ANGPT1: variants seen among roughly 807,000 people sequenced by gnomAD.
ANGPT1 encodes the protein angiopoietin-1.
In ANGPT1, 17 loss-of-function variants were observed where a neutral mutation model predicts 62.2. The ratio of observed to expected loss-of-function variants is 0.27; its 90% confidence interval spans 0.19 to 0.41. The LOEUF (loss-of-function observed/expected upper bound fraction) is 0.41. ANGPT1 is among the 10% of genes least tolerant of loss of function. The pLI, the probability that ANGPT1 is intolerant of heterozygous loss-of-function variation, is 1.00. For synonymous variants in ANGPT1, 199 were observed against 198.9 expected (o/e 1.00, Z 0.00); for missense variants, 478 against 594.9 (o/e 0.80, Z 2.04).
chr8:107,451,155 G>C (rs1811768468), intron 1 of ANGPT1, among the ~76,000 whole-genome samples: 1 of 151,696 alleles, frequency 6.6e-6, no homozygotes, highest in South Asian at 2.1e-4. Flanking sequence ...ACCAGAATTT[G>C]CATTAACTCT....
At chr8:107,450,806 G>C (rs1048749777) in intron 1 of ANGPT1, among the ~76,000 whole-genome samples, 1 of 151,014 alleles carries the variant, frequency 6.6e-6, no homozygotes, top group African/African-American at 2.4e-5. Context: ...AATAATACTA[G>C]TAATAGTAGA....
chr8:107,292,413 A>G (rs1814300840), intron 6 of ANGPT1, among the ~76,000 whole-genome samples: 1 of 152,212 alleles, frequency 6.6e-6, no homozygotes, highest in African/African-American at 2.4e-5. Flanking sequence ...CACTGAGTAC[A>G]TTAATCTTTG....
At chr8:107,412,062 TTGAC>T (rs1319071481) in intron 1 of ANGPT1, among the ~76,000 whole-genome samples, 1 of 152,176 alleles carries the variant, frequency 6.6e-6, no homozygotes, top group African/African-American at 2.4e-5. Context: ...CATCTTGGCC[TTGAC>T]TCACTAGATG....
chr8:107,279,427 A>G (rs772651361), intron 7 of ANGPT1, among the ~76,000 whole-genome samples: 1 of 152,150 alleles, frequency 6.6e-6, no homozygotes, highest in Non-Finnish European at 1.5e-5. Flanking sequence ...TATATCTTAG[A>G]GTATGTGTTT....
intron 1 of ANGPT1, among the ~76,000 whole-genome samples, chr8:107,416,309 G>A (rs1216789899): frequency 2.0e-5 from 3 of 152,142 alleles, no homozygotes; most frequent in Admixed American, 1.3e-4. Flanking sequence ...TGCTAGAGCA[G>A]CTCATAAAAT....
At chr8:107,428,399 G>T (rs1186019064) in intron 1 of ANGPT1, among the ~76,000 whole-genome samples, 2 of 152,088 alleles carry the variant, frequency 1.3e-5, no homozygotes, top group Non-Finnish European at 2.9e-5. Flanking sequence ...ACTTTTTAAT[G>T]CAACAATAGA....
intron 8 of ANGPT1, among the ~76,000 whole-genome samples, chr8:107,254,273 T>C (rs187209985): frequency 6.6e-6 from 1 of 152,054 alleles, no homozygotes; most frequent in Non-Finnish European, 1.5e-5. Flanking sequence ...TTTTTCTTTA[T>C]GTATCCATTC....
chr8:107,303,106 G>T, intron 5 of ANGPT1, 134 bp downstream of exon 5: 1 of 976,162 alleles, frequency 1.0e-6, no homozygotes, highest in East Asian at 2.6e-5. Context: ...GGGAAACAGA[G>T]TATCTCTGGG....
At chr8:107,377,414 G>T (rs962695503) in intron 1 of ANGPT1, among the ~76,000 whole-genome samples, 7 of 152,148 alleles carry the variant, frequency 4.6e-5, no homozygotes, top group African/African-American at 7.2e-5. Context: ...GGATAAATCT[G>T]CCATGTGTGC....
At chr8:107,313,435 T>TTG (rs1563564063) in intron 4 of ANGPT1, among the ~76,000 whole-genome samples, 1 of 120,582 alleles carries the variant, frequency 8.3e-6, no homozygotes, top group East Asian at 2.3e-4. Context: ...AGTTGTTTTT[T>TTG]TTTTTTTTTT....
chr8:107,453,520 C>A (rs951593037), intron 1 of ANGPT1, among the ~76,000 whole-genome samples: 26 of 151,882 alleles, frequency 1.7e-4, no homozygotes, highest in African/African-American at 5.8e-4. Context: ...ATCTCGTGAG[C>A]CTTATTCACT....
At chr8:107,344,713 C>T (rs1438052385) in intron 2 of ANGPT1, among the ~76,000 whole-genome samples, 1 of 152,056 alleles carries the variant, frequency 6.6e-6, no homozygotes. Flanking sequence ...AACTGAGGAC[C>T]TGAAGTCAGT....
intron 1 of ANGPT1, among the ~76,000 whole-genome samples, chr8:107,457,096 T>C (rs866280999): frequency 2.0e-4 from 30 of 152,118 alleles, no homozygotes; most frequent in African/African-American, 6.8e-4. Flanking sequence ...GCTGATATCA[T>C]AACTCTACTA....
chr8:107,327,679 TCCA>T (rs1455253571), intron 3 of ANGPT1, among the ~76,000 whole-genome samples: 5 of 152,100 alleles, frequency 3.3e-5, no homozygotes, highest in African/African-American at 1.2e-4. Context: ...GAGCTAGAAA[TCCA>T]AGGAGAGAGT....
chr8:107,471,663 T>G (rs996592215), intron 1 of ANGPT1, among the ~76,000 whole-genome samples: 3 of 152,124 alleles, frequency 2.0e-5, no homozygotes, highest in African/African-American at 7.2e-5. Flanking sequence ...ATTGGCGACG[T>G]TTGAATGTAT....
intron 1 of ANGPT1, among the ~76,000 whole-genome samples, chr8:107,410,375 C>G (rs1817241458): frequency 6.6e-6 from 1 of 152,182 alleles, no homozygotes; most frequent in Non-Finnish European, 1.5e-5. Context: ...TCCTAAGGCT[C>G]TGGAATGCCC....
chr8:107,284,645 A>G, intron 7 of ANGPT1, 37 bp downstream of exon 7: 1 of 1,403,648 alleles, frequency 7.1e-7, no homozygotes, highest in Non-Finnish European at 9.4e-7. Context: ...GTGGCTAGGT[A>G]AAAGGTAGTC....
intron 6 of ANGPT1, among the ~76,000 whole-genome samples, chr8:107,286,482 CA>C (rs1410525931): frequency 6.6e-6 from 1 of 152,096 alleles, no homozygotes; most frequent in African/African-American, 2.4e-5. Context: ...AGATTGGATG[CA>C]TTCTACTATG....
chr8:107,419,519 T>C (rs895612750), intron 1 of ANGPT1, among the ~76,000 whole-genome samples: 1 of 152,158 alleles, frequency 6.6e-6, no homozygotes. Context: ...AACCTAAGCA[T>C]AAAAATATGT....
Sources: gnomAD v4.1 joint callset for allele counts (sites outside exome capture counted in the v4.1 genomes callset) on GRCh38, gnomAD v4.1.1 for gene constraint, MANE v1.5 for transcripts, NCBI Gene and HGNC (gene_info 2026-07-23, HGNC 2026-07-21) for gene names.